Variants in LRRTM2 observed in about 807,000 individuals in gnomAD.
The protein encoded by LRRTM2 is leucine-rich repeat transmembrane neuronal protein 2.
Under a neutral mutation model 40.7 loss-of-function variants are expected in LRRTM2, and 14 were observed. The ratio of observed to expected loss-of-function variants is 0.34; its 90% CI spans 0.23 to 0.54. LRRTM2 has a LOEUF of 0.54. LRRTM2 is among the 20% of genes least tolerant of loss of function. The probability of loss-of-function intolerance (pLI) is 0.92; values close to 1 mark genes in which losing one functional copy is unlikely to be tolerated. For synonymous variants in LRRTM2, 223 were observed against 237.6 expected (o/e 0.94, Z 0.57); for missense variants, 468 against 624.4 (o/e 0.75, Z 2.67).
At position 138,874,345 on chromosome 5, in the gene LRRTM2, G is replaced by A. The variant is rs373483435; in HGVS notation, c.216C>T (p.His72=). The A allele has an allele frequency of 6.2e-6, 10 of 1,613,922 alleles. No individual in the cohort carries two copies. In the African/African-American group the frequency reaches 1.2e-4, roughly 19 times the overall value. ...ATTGATCTCTTTCGAGCTCTGTGAT[G>A]TGATTGTGCCTCAGGGACAGGCCCA... is the stretch of plus-strand genomic sequence containing the variant. The part of the protein sequence containing the change: ...GSLGLSLRHN[H]ITELERDQFA... The change falls in exon 2 of 2, where the codon CAC becomes CAT. Residue 72 remains histidine (H), a synonymous_variant. Coordinates refer to ENST00000274711, the MANE Select transcript of LRRTM2 (RefSeq NM_015564.3). This position sits in a 1 kb window ranked among gnomAD's most constrained non-coding sequence, Gnocchi z 4.1.
rs538802546 is a variant in LRRTM2 at position 138,874,623 on chromosome 5, A to T, written c.5-67T>A. 1.6e-4 allele frequency: 158 copies of T among 987,306 alleles called. 6 individuals carry two copies. In the South Asian group the frequency reaches 2.5e-3, roughly 16 times the overall value. 61.2% of individuals were successfully genotyped at this position (987,306 alleles called of 1,614,324 possible). ...TTTCAGCAGAACATATGGGCTATTT[A>T]AAAAAAACAACCACCACCAACATTA... On this transcript the variant is annotated intron_variant, in intron 1 of 1. Coordinates refer to ENST00000274711, the MANE Select transcript of LRRTM2 (RefSeq NM_015564.3). The surrounding 1 kb of genome is among the most constrained non-coding windows in gnomAD (Gnocchi z 4.1).
Position 138,874,603 on chromosome 5 carries a change from G to T in LRRTM2, c.5-47C>A, listed in dbSNP as rs892555793. On this transcript the variant is annotated intron_variant, in intron 1 of 1. Coordinates refer to ENST00000274711, the MANE Select transcript of LRRTM2 (RefSeq NM_015564.3). This position sits in a 1 kb window ranked among gnomAD's most constrained non-coding sequence, Gnocchi z 4.1. ...AAACAAGAAGATAGGATATTTTTCA[G>T]CAGAACATATGGGCTATTTAAAAAA... The T allele has an allele frequency of 1.6e-6, 2 of 1,226,138 alleles. No homozygotes were observed. Among genetic ancestry groups the T allele is most frequent in the African/African-American group, 3.0e-5 (2 of 65,598 alleles). 76.0% of individuals were successfully genotyped at this position (1,226,138 alleles called of 1,614,324 possible). A position where few individuals can be genotyped will look rare whatever the true frequency, so the allele number is the denominator to read the frequency against.
In LRRTM2 at chr5:138,872,738, T is replaced by G; in HGVS notation, c.*272A>C. The G allele has an allele frequency of 3.2e-6, 1 of 311,814 alleles. No individual in the cohort carries two copies. Among genetic ancestry groups the G allele is most frequent in the Non-Finnish European group, 5.9e-6 (1 of 170,116 alleles). 19.3% of individuals were successfully genotyped at this position (311,814 alleles called of 1,614,324 possible). On this transcript the variant is annotated 3_prime_UTR_variant, in exon 2 of 2. Transcript: ENST00000274711. ...CCTTAGTGTAAAGGTTTACACACGA[T>G]TGTATATAATTACATACATTTCTTA...
rs1243754554 is a variant in LRRTM2 at position 138,873,178 on chromosome 5, A to C, written c.1383T>G (p.Val461=). Residue 461 remains valine (V), a synonymous_variant, in exon 2 of 2, where the codon GTT becomes GTG. Transcript: ENST00000274711. This position sits in a 1 kb window ranked among gnomAD's most constrained non-coding sequence, Gnocchi z 6.1. ...GGGATCGGAGCTGCCTGTGGTTCTG[A>C]ACCATTGAGCACTGCCTAATTCTTC... is the stretch of plus-strand genomic sequence containing the variant. ...TLRRIRQCSM[V]QNHRQLRSQT... is the part of the protein sequence containing the mutation. 6.2e-7 allele frequency: 1 copy of C among 1,613,834 alleles called. No individual in the cohort carries two copies. Among genetic ancestry groups the C allele is most frequent in the Non-Finnish European group, 8.5e-7 (1 of 1,179,892 alleles).
At position 138,872,836 on chromosome 5, in the gene LRRTM2, A is replaced by C. The variant is rs1452568539; in HGVS notation, c.*174T>G. 2.0e-6 allele frequency: 1 copy of C among 510,790 alleles called. No homozygotes were observed. Among genetic ancestry groups the C allele is most frequent in the Non-Finnish European group, 3.4e-6 (1 of 294,110 alleles). The allele number at this position is 510,790 out of a possible 1,614,324, so 31.6% of individuals were successfully genotyped here. On this transcript the variant is annotated 3_prime_UTR_variant, in exon 2 of 2. Transcript: ENST00000274711. ...TGAGCATTGATTCATTTAACACTTAAAATATGGTTTCATTTAAAAAATTAA... is the reference window on the plus strand; with the variant it reads ...TGAGCATTGATTCATTTAACACTTACAATATGGTTTCATTTAAAAAATTAA...
chr5:138,871,725 C>T lies in LRRTM2; in HGVS notation c.*1285G>A, dbSNP rs753543832. Reference sequence around the variant, plus strand: ...CCACTGTGTGGCTGCATAGGCATGTCGAGTTGTTCTGCCATGAGATTCATC... The same window carrying T: ...CCACTGTGTGGCTGCATAGGCATGTTGAGTTGTTCTGCCATGAGATTCATC... On this transcript the variant is annotated 3_prime_UTR_variant, in exon 2 of 2. Coordinates refer to ENST00000274711, the MANE Select transcript of LRRTM2 (RefSeq NM_015564.3). The T allele has an allele frequency of 4.6e-5, 7 of 152,210 alleles. No homozygotes were observed. Among genetic ancestry groups the T allele is most frequent in the Non-Finnish European group, 4.4e-5 (3 of 68,046 alleles). The allele number at this position is 152,210 out of a possible 1,614,324, so 9.4% of individuals were successfully genotyped here.
chr5:138,873,863 G>C lies in LRRTM2; in HGVS notation c.698C>G (p.Thr233Arg), dbSNP rs753095418. The change falls in exon 2 of 2, where the codon ACG becomes AGG. Residue 233 changes from threonine (T) to arginine (R), a missense_variant. Coordinates refer to ENST00000274711, the MANE Select transcript of LRRTM2 (RefSeq NM_015564.3). This position sits in a 1 kb window ranked among gnomAD's most constrained non-coding sequence, Gnocchi z 6.1. ...GATTTTGTTCCATTGTAAGAAGAGC[G>C]TGTGCAGACTGCTTAGCCGTAGGAA... Reference protein sequence around the residue: ...AHFLRLSSLHTLFLQWNKISN... With the variant: ...AHFLRLSSLHRLFLQWNKISN... 1 of 1,613,986 alleles carries C rather than the reference G, an allele frequency of 6.2e-7. No homozygotes were observed. Among genetic ancestry groups the C allele is most frequent in the Non-Finnish European group, 8.5e-7 (1 of 1,179,886 alleles).
Position 138,875,037 on chromosome 5 carries a change from A to G in LRRTM2, c.-126T>C. 1.1e-6 allele frequency: 1 copy of G among 924,660 alleles called. No individual in the cohort carries two copies. 57.3% of individuals were successfully genotyped at this position (924,660 alleles called of 1,614,324 possible). ...CTGTTTTCTGTGTCCCAGGCTTTCC[A>G]AGTAAAATTGAATCCACCAGGACGA... On this transcript the variant is annotated 5_prime_UTR_variant, in exon 1 of 2. Coordinates refer to ENST00000274711, the MANE Select transcript of LRRTM2 (RefSeq NM_015564.3).
Position 138,872,688 on chromosome 5 carries a change from A to T in LRRTM2, c.*322T>A, listed in dbSNP as rs1164211903. On this transcript the variant is annotated 3_prime_UTR_variant, in exon 2 of 2. Transcript: ENST00000274711. Reference sequence around the variant, plus strand: ...AATAGCTTCTTTCTAAATTGTTTTCAGTAGAAAAAAATAGTATATGGAGAC... The same window carrying T: ...AATAGCTTCTTTCTAAATTGTTTTCTGTAGAAAAAAATAGTATATGGAGAC... The T allele has an allele frequency of 2.6e-5, 5 of 192,662 alleles. No individual in the cohort carries two copies. The East Asian group carries it at 6.4e-4, about 25-fold the overall frequency. 11.9% of individuals were successfully genotyped at this position (192,662 alleles called of 1,614,324 possible). A position where few individuals can be genotyped will look rare whatever the true frequency, so the allele number is the denominator to read the frequency against.
Position 138,873,646 on chromosome 5 carries a change from G to A in LRRTM2, c.915C>T (p.Thr305=), listed in dbSNP as rs776404173. The A allele has an allele frequency of 2.8e-5, 45 of 1,614,024 alleles. No individual in the cohort carries two copies. Among genetic ancestry groups the A allele is most frequent in the Non-Finnish European group, 3.7e-5 (44 of 1,179,894 alleles). ...KILNSLRSLT[T]VGLSGNLWEC... ...CCCACAGATTGCCAGAGAGACCAAC[G>A]GTTGTGAGGGATCTCAGGGAGTTTA... Residue 305 remains threonine, a synonymous_variant, in exon 2 of 2, where the codon ACC becomes ACT. Transcript: ENST00000274711. The surrounding 1 kb of genome is among the most constrained non-coding windows in gnomAD (Gnocchi z 6.1).
At position 138,869,489 on chromosome 5, in the gene LRRTM2, C is replaced by T. The variant is rs2149913031; in HGVS notation, c.*3521G>A. 1 of 151,824 alleles carries T rather than the reference C, an allele frequency of 6.6e-6. No individual in the cohort carries two copies. Among genetic ancestry groups the T allele is most frequent in the South Asian group, 2.1e-4 (1 of 4,808 alleles). 9.4% of individuals were successfully genotyped at this position (151,824 alleles called of 1,614,324 possible). ...TGTATTCCTGTATTAGGAAAACGAT[C>T]ATGTAAGTCAGCTGTTAAAAATATT... is the stretch of plus-strand genomic sequence containing the variant. On this transcript the variant is annotated 3_prime_UTR_variant, in exon 2 of 2. Transcript: ENST00000274711.
At position 138,873,855 on chromosome 5, in the gene LRRTM2, A is replaced by G; in HGVS notation, c.706T>C (p.Leu236=). 4 of 1,614,040 alleles carry G rather than the reference A, an allele frequency of 2.5e-6. No individual in the cohort carries two copies. Among genetic ancestry groups the G allele is most frequent in the Non-Finnish European group, 3.4e-6 (4 of 1,179,888 alleles). ...LRLSSLHTLF[L]QWNKISNLTC... The stretch of plus-strand genomic sequence containing the variant: ...AAGTTGCTGATTTTGTTCCATTGTA[A>G]GAAGAGCGTGTGCAGACTGCTTAGC... The change falls in exon 2 of 2, where the codon TTA becomes CTA. Residue 236 remains leucine, a synonymous_variant. Transcript: ENST00000274711. This position sits in a 1 kb window ranked among gnomAD's most constrained non-coding sequence, Gnocchi z 6.1.
In LRRTM2 at chr5:138,872,647, A is replaced by G. The variant is rs1051375038; in HGVS notation, c.*363T>C. ...GCAGTGATCAAACAGGTATTGATCTATATCTGTTTCTGCCCAATAGCTTCT... is the reference window on the plus strand; with the variant it reads ...GCAGTGATCAAACAGGTATTGATCTGTATCTGTTTCTGCCCAATAGCTTCT... On this transcript the variant is annotated 3_prime_UTR_variant, in exon 2 of 2. Transcript: ENST00000274711. 1.2e-5 allele frequency: 2 copies of G among 168,990 alleles called. No individual in the cohort carries two copies. Among genetic ancestry groups the G allele is most frequent in the Admixed American group, 5.8e-5 (1 of 17,116 alleles). The allele number at this position is 168,990 out of a possible 1,614,324, so 10.5% of individuals were successfully genotyped here. A position where few individuals can be genotyped will look rare whatever the true frequency, so the allele number is the denominator to read the frequency against.
Position 138,872,617 on chromosome 5 carries a change from G to A in LRRTM2, c.*393C>T, listed in dbSNP as rs1750780482. 6.3e-6 allele frequency: 1 copy of A among 157,522 alleles called. No individual in the cohort carries two copies. Among genetic ancestry groups the A allele is most frequent in the Admixed American group, 6.4e-5 (1 of 15,710 alleles). The allele number at this position is 157,522 out of a possible 1,614,324, so 9.8% of individuals were successfully genotyped here. On this transcript the variant is annotated 3_prime_UTR_variant, in exon 2 of 2. Coordinates refer to ENST00000274711, the MANE Select transcript of LRRTM2 (RefSeq NM_015564.3). The stretch of plus-strand genomic sequence containing the variant: ...GCAAGATAGTTGTGGTACATGGGAT[G>A]GAGAGCAGTGATCAAACAGGTATTG...
chr5:138,875,148 A>C lies in LRRTM2; in HGVS notation c.-237T>G, dbSNP rs921363119. 2 of 445,654 alleles carry C rather than the reference A, an allele frequency of 4.5e-6. No individual in the cohort carries two copies. The highest frequency in any genetic ancestry group is 7.9e-6 in the Non-Finnish European group (2 of 254,464). The allele number at this position is 445,654 out of a possible 1,614,324, so 27.6% of individuals were successfully genotyped here. A position where few individuals can be genotyped will look rare whatever the true frequency, so the allele number is the denominator to read the frequency against. On this transcript the variant is annotated 5_prime_UTR_variant, in exon 1 of 2. Coordinates refer to ENST00000274711, the MANE Select transcript of LRRTM2 (RefSeq NM_015564.3). ...TGATCCCTAAATCAGTTTTGAATATAAGTTATTAAATTTCTCCACCTCTAA... is the reference window on the plus strand; with the variant it reads ...TGATCCCTAAATCAGTTTTGAATATCAGTTATTAAATTTCTCCACCTCTAA...
chr5:138,873,539 C>A lies in LRRTM2; in HGVS notation c.1022G>T (p.Ser341Ile). The A allele has an allele frequency of 6.2e-7, 1 of 1,613,984 alleles. No individual in the cohort carries two copies. Among genetic ancestry groups the A allele is most frequent in the Non-Finnish European group, 8.5e-7 (1 of 1,179,894 alleles). ...ATCCTCTCCTTGGGTGTGGTCAGGACTGTGGCATAGGATGGAGTGTTCCCA... is the reference window on the plus strand; with the variant it reads ...ATCCTCTCCTTGGGTGTGGTCAGGAATGTGGCATAGGATGGAGTGTTCCCA... ...GRWEHSILCHSPDHTQGEDIL... is the reference protein window; with the variant it reads ...GRWEHSILCHIPDHTQGEDIL... The change falls in exon 2 of 2, where the codon AGT becomes ATT. Residue 341 changes from serine to isoleucine, a missense_variant. Ser to Ile is a moderately radical substitution (Grantham distance 142). Coordinates refer to ENST00000274711, the MANE Select transcript of LRRTM2 (RefSeq NM_015564.3). This position sits in a 1 kb window ranked among gnomAD's most constrained non-coding sequence, Gnocchi z 6.1.
rs1765220607 is a variant in LRRTM2 at position 138,870,315 on chromosome 5, C to T, written c.*2695G>A. 6.6e-6 allele frequency: 1 copy of T among 152,162 alleles called. No individual in the cohort carries two copies. The highest frequency in any genetic ancestry group is 1.5e-5 in the Non-Finnish European group (1 of 68,030). The allele number at this position is 152,162 out of a possible 1,614,324, so 9.4% of individuals were successfully genotyped here. A position where few individuals can be genotyped will look rare whatever the true frequency, so the allele number is the denominator to read the frequency against. On this transcript the variant is annotated 3_prime_UTR_variant, in exon 2 of 2. Transcript: ENST00000274711. ...GGACAAAAATGAAAGAAAATCTTGCCTTCTACAGGCAATTAAAAAGGGAGG... is the reference window on the plus strand; with the variant it reads ...GGACAAAAATGAAAGAAAATCTTGCTTTCTACAGGCAATTAAAAAGGGAGG...
Position 138,873,242 on chromosome 5 carries a change from A to G in LRRTM2, c.1319T>C (p.Ile440Thr). ...LLFSFFFIIF[I>T]VFISRKCCPP... is the part of the protein sequence containing the mutation. ...GCAGCACTTCCTGGAGATGAACACT[A>G]TAAAAATAATAAAAAAGAAAGAAAA... The change falls in exon 2 of 2, where the codon ATA becomes ACA. Residue 440 changes from isoleucine (I) to threonine (T), a missense_variant. By Grantham distance (89) the Ile-to-Thr change is moderately conservative. Coordinates refer to ENST00000274711, the MANE Select transcript of LRRTM2 (RefSeq NM_015564.3). The surrounding 1 kb of genome is among the most constrained non-coding windows in gnomAD (Gnocchi z 6.1). 1 of 1,613,712 alleles carries G rather than the reference A, an allele frequency of 6.2e-7. No individual in the cohort carries two copies. The highest frequency in any genetic ancestry group is 1.1e-5 in the South Asian group (1 of 91,022).
At position 138,873,569 on chromosome 5, in the gene LRRTM2, C is replaced by T. The variant is rs752266723; in HGVS notation, c.992G>A (p.Gly331Asp). 1.2e-6 allele frequency: 2 copies of T among 1,613,838 alleles called. No individual in the cohort carries two copies. Among genetic ancestry groups the T allele is most frequent in the Admixed American group, 1.7e-5 (1 of 60,014 alleles). The change falls in exon 2 of 2, where the codon GGT (glycine) becomes GAT (aspartate). Residue 331 changes from glycine (G) to aspartate (D), a missense_variant. Gly to Asp is a moderately conservative substitution (Grantham distance 94, BLOSUM62 -1). Coordinates refer to ENST00000274711, the MANE Select transcript of LRRTM2 (RefSeq NM_015564.3). This position sits in a 1 kb window ranked among gnomAD's most constrained non-coding sequence, Gnocchi z 6.1. Reference protein sequence around the residue: ...ALASWLGSFQGRWEHSILCHS... With the variant: ...ALASWLGSFQDRWEHSILCHS... ...GCATAGGATGGAGTGTTCCCACCGA[C>T]CTTGGAAACTGCCCAGCCAGGAGGC...
Sources: gnomAD v4.1 joint callset for allele counts on GRCh38, gnomAD v4.1.1 for gene constraint, Gnocchi (gnomAD v3.1) non-coding constraint, MANE v1.5 for transcripts, NCBI Gene and HGNC (gene_info 2026-07-23, HGNC 2026-07-21) for gene names.